The following DPH7 variants were observed in gnomAD, a reference collection of about 807,000 sequenced individuals.
DPH7 encodes the protein diphthine methyltransferase.
A neutral mutation model predicts 41.7 loss-of-function variants in DPH7; 44 were observed. The ratio of observed to expected loss-of-function variants is 1.05; its 90% CI spans 0.83 to 1.36. The LOEUF (loss-of-function observed/expected upper bound fraction) is 1.36. Ranked by LOEUF, DPH7 falls within the 40% of genes most tolerant of loss-of-function variation. DPH7 has a pLI of 0.00. For missense variants in DPH7, 629 were observed against 577.5 expected, an observed-to-expected ratio of 1.09 and a Z score of -0.91; for synonymous variants, 275 against 238.0, an observed-to-expected ratio of 1.16 and a Z score of -1.43.
Position 137,577,557 on chromosome 9 carries a change from A to G in DPH7, c.200T>C (p.Phe67Ser), listed in dbSNP as rs1418833307. 6.2e-7 allele frequency: 1 copy of G among 1,614,098 alleles called. No homozygotes were observed. Among genetic ancestry groups the G allele is most frequent in the Non-Finnish European group, 8.5e-7 (1 of 1,180,002 alleles). Residue 67 changes from phenylalanine to serine, a missense_variant, in exon 2 of 9, where the codon TTC becomes TCC. Coordinates refer to ENST00000277540, the MANE Select transcript of DPH7 (RefSeq NM_138778.5). ...KEPQVRLGRL[F>S]LYSFNDNNSI... ...GTTGTTGTCATTGAAACTGTACAGGAAGAGACGGCCTAAACGGACCTGAGG... is the reference window on the plus strand; with the variant it reads ...GTTGTTGTCATTGAAACTGTACAGGGAGAGACGGCCTAAACGGACCTGAGG...
Position 137,578,700 on chromosome 9 carries a change from G to T in DPH7, c.78C>A (p.Gly26=). The T allele has an allele frequency of 6.5e-7, 1 of 1,532,080 alleles. No homozygotes were observed. 94.9% of individuals were successfully genotyped at this position (1,532,080 alleles called of 1,614,324 possible). ...ADSVEWCPLQ[G]CRHLLACGTY... is the part of the protein sequence containing the mutation. ...TCCCGCACGCCAGCAGGTGCCTGCA[G>T]CCTTGCAGCGGGCACCACTCCACCG... The change falls in exon 1 of 9, where the codon GGC becomes GGA. Residue 26 remains glycine, a synonymous_variant. Transcript: ENST00000277540.
chr9:137,577,722 T>C (rs905414181), intron 1 of DPH7, 119 bp from the exon 2 acceptor site: 3 of 1,311,918 alleles, frequency 2.3e-6, no homozygotes, highest in Non-Finnish European at 3.1e-6. Flanking sequence ...GAATTCTGCC[T>C]GGAAGGAGAA....
rs117399212 is a variant in DPH7 at position 137,557,857 on chromosome 9, G to A, written c.950-2209C>T. Among the ~76,000 whole-genome samples, 150 of 151,754 alleles carry A rather than the reference G, an allele frequency of 9.9e-4. 5 individuals are homozygous for A. In the East Asian group the frequency reaches 0.025, roughly 25 times the overall value. On this transcript the variant is annotated intron_variant, in intron 8 of 8. Transcript: ENST00000277540. ...AATAAAGTTATGAAAAAGGCCAGCCGAGCACAGCGGCTCACGCCTGTAATC... is the reference window on the plus strand; with the variant it reads ...AATAAAGTTATGAAAAAGGCCAGCCAAGCACAGCGGCTCACGCCTGTAATC...
rs1250821651 is a variant in DPH7 at position 137,574,373 on chromosome 9, C to T, written c.475G>A (p.Asp159Asn). The change falls in exon 5 of 9, where the codon GAC becomes AAC. Residue 159 changes from aspartate to asparagine, a missense_variant. Asp to Asn is a conservative substitution (Grantham distance 23). Transcript: ENST00000277540. ...WSTGKTGRAG[D>N]QPLKIISSDS... is the part of the protein sequence containing the mutation. ...CTGCTGATGATCTTCAAGGGCTGGT[C>T]CCCGGCCCTAGACACAGGGAACCCA... The T allele has an allele frequency of 6.2e-7, 1 of 1,613,804 alleles. No individual in the cohort carries two copies. Among genetic ancestry groups the T allele is most frequent in the Non-Finnish European group, 8.5e-7 (1 of 1,179,832 alleles).
chr9:137,554,934 G>A lies in DPH7; in HGVS notation c.*305C>T, dbSNP rs1464891728. 3.2e-6 allele frequency: 1 copy of A among 311,286 alleles called. No individual in the cohort carries two copies. Among genetic ancestry groups the A allele is most frequent in the Admixed American group, 4.8e-5 (1 of 20,748 alleles). 19.3% of individuals were successfully genotyped at this position (311,286 alleles called of 1,614,324 possible). ...CAAAAAACTTCATTTAATACAAATA[G>A]TTGCTTAAACAAGTATGAAAGGCTG... is the stretch of plus-strand genomic sequence containing the variant. On this transcript the variant is annotated 3_prime_UTR_variant, in exon 9 of 9. Transcript: ENST00000277540.
Position 137,564,294 on chromosome 9 carries a change from G to A in DPH7, c.949+140C>T, listed in dbSNP as rs78143222. The A allele has an allele frequency of 3.0e-5, 32 of 1,058,324 alleles. 1 individual carries two copies. In the South Asian group the frequency reaches 3.6e-4, roughly 12 times the overall value. 65.6% of individuals were successfully genotyped at this position (1,058,324 alleles called of 1,614,324 possible). A position where few individuals can be genotyped will look rare whatever the true frequency, so the allele number is the denominator to read the frequency against. On this transcript the variant is annotated intron_variant, in intron 8 of 8. Coordinates refer to ENST00000277540, the MANE Select transcript of DPH7 (RefSeq NM_138778.5). Reference sequence around the variant, plus strand: ...TGGATCACGACCAAGTCTAGGGCGCGACGCTGGGAGTGTGTAAAAGCTGAG... The same window carrying A: ...TGGATCACGACCAAGTCTAGGGCGCAACGCTGGGAGTGTGTAAAAGCTGAG...
intron 5 of DPH7, among the ~76,000 whole-genome samples, chr9:137,573,682 C>CAAA (rs61028786): frequency 2.7e-4 from 7 of 25,936 alleles, no homozygotes; most frequent in Admixed American, 4.9e-4. Flanking sequence ...GACTCTGTCT[C>CAAA]AAAAAAAAAA....
intron 1 of DPH7, chr9:137,578,077 G>T (rs1841743946): frequency 1.2e-6 from 1 of 803,550 alleles, no homozygotes; most frequent in African/African-American, 1.9e-5. Context: ...CAGCTACTCA[G>T]GGGGTTGAGG....
chr9:137,563,081 G>T (rs821321), intron 8 of DPH7, among the ~76,000 whole-genome samples: 4,353 of 152,250 alleles, frequency 0.029, 215 homozygotes, highest in African/African-American at 0.099. Flanking sequence ...GGAGGTTGAG[G>T]CTGCAGTGAG....
In DPH7 at chr9:137,570,195, G is replaced by A. The variant is rs957769952; in HGVS notation, c.640+4013C>T. On this transcript the variant is annotated intron_variant, in intron 5 of 8. Transcript: ENST00000277540. ...ACACACACTATGGACCCTCATAATA[G>A]ACACTACGGATACACAGTGAACATG... Among the ~76,000 whole-genome samples, 5 of 125,116 alleles carry A rather than the reference G, an allele frequency of 4.0e-5. No homozygotes were observed. The East Asian group carries it at 1.4e-3, about 34-fold the overall frequency. 82.1% of individuals were successfully genotyped at this position (125,116 alleles called of 152,430 possible).
At chr9:137,568,434 ACT>A (rs747702882) in intron 5 of DPH7, among the ~76,000 whole-genome samples, 2 of 13,692 alleles carry the variant, frequency 1.5e-4, no homozygotes, top group Non-Finnish European at 1.3e-4. Flanking sequence ...CCCCTGGGTG[ACT>A]CTGTCTGTGA....
At chr9:137,560,325 A>C (rs1283266130) in intron 8 of DPH7, among the ~76,000 whole-genome samples, 1 of 151,468 alleles carries the variant, frequency 6.6e-6, no homozygotes, top group Non-Finnish European at 1.5e-5. Flanking sequence ...AGCACAACAA[A>C]TAGTCAATTG....
rs756370991 is a variant in DPH7, at chr9:137,574,395, C to G, written c.468-15G>C. On this transcript the variant is annotated splice_polypyrimidine_tract_variant and intron_variant, in intron 4 of 8. Transcript: ENST00000277540. ...GGTCCCCGGCCCTAGACACAGGGAA[C>G]CCATGAAGAAGCCCGGCAGAATGTT... is the stretch of plus-strand genomic sequence containing the variant. 5 of 1,607,030 alleles carry G rather than the reference C, an allele frequency of 3.1e-6. No individual in the cohort carries two copies. In the African/African-American group the frequency reaches 6.7e-5, roughly 22 times the overall value.
rs12342671 is a variant in DPH7, at chr9:137,574,681, C to G, written c.467+71G>C. ...CGCAGCTCGCTGAAGGTGGCTGGAG[C>G]CCTCTAGCCTGAAAAGTGGAAGTGG... On this transcript the variant is annotated intron_variant, in intron 4 of 8. Coordinates refer to ENST00000277540, the MANE Select transcript of DPH7 (RefSeq NM_138778.5). The G allele has an allele frequency of 8.4e-6, 12 of 1,427,140 alleles. No homozygotes were observed. In the African/African-American group the frequency reaches 1.6e-4, roughly 19 times the overall value. 88.4% of individuals were successfully genotyped at this position (1,427,140 alleles called of 1,614,324 possible). A position where few individuals can be genotyped will look rare whatever the true frequency, so the allele number is the denominator to read the frequency against.
chr9:137,559,746 G>A (rs1838183164), intron 8 of DPH7, among the ~76,000 whole-genome samples: 1 of 152,214 alleles, frequency 6.6e-6, no homozygotes, highest in Admixed American at 6.5e-5. Flanking sequence ...CGTGACCCAC[G>A]TGACCTTACC....
At position 137,560,545 on chromosome 9, in the gene DPH7, C is replaced by T. The variant is rs192073871; in HGVS notation, c.949+3889G>A. 3.7e-3 allele frequency among the ~76,000 whole-genome samples: 563 copies of T among 151,284 alleles called. 3 individuals carry two copies. Among genetic ancestry groups the T allele is most frequent in the Non-Finnish European group, 6.7e-3 (458 of 67,894 alleles). On this transcript the variant is annotated intron_variant, in intron 8 of 8. Transcript: ENST00000277540. ...ACCATCCTGGCTAACACGGCGAAAC[C>T]CTGTCTCTAATAAAAATACAAAAAA...
intron 5 of DPH7, among the ~76,000 whole-genome samples, chr9:137,567,688 G>T (rs9410032): frequency 1.8e-4 from 3 of 16,770 alleles, no homozygotes; most frequent in Admixed American, 9.2e-4. Flanking sequence ...GAAGCTCCCC[G>T]GGGTGACTCT....
At chr9:137,565,186 T>C (rs777050801) in intron 5 of DPH7, 32 bp from the exon 6 acceptor site, 3 of 1,608,594 alleles carry the variant, frequency 1.9e-6, no homozygotes, top group South Asian at 1.1e-5. Flanking sequence ...TCAACACCAC[T>C]AATGACAGGA....
intron 5 of DPH7, 38 bp from the exon 6 acceptor site, chr9:137,565,192 C>T (rs1839401035): frequency 3.1e-6 from 5 of 1,607,444 alleles, no homozygotes; most frequent in African/African-American, 1.3e-5. Context: ...CCACTAATGA[C>T]AGGAAATGAG....
Sources: gnomAD v4.1 joint callset for allele counts (sites outside exome capture counted in the v4.1 genomes callset) on GRCh38, gnomAD v4.1.1 for gene constraint, MANE v1.5 for transcripts, NCBI Gene and HGNC (gene_info 2026-07-23, HGNC 2026-07-21) for gene names.